The following GTSE1 variants were observed in gnomAD, a reference collection of about 807,000 sequenced individuals.
The protein encoded by GTSE1 is G2 and S-phase expressed 1, also known as G2 and S phase-expressed protein 1.
A neutral mutation model predicts 60.5 loss-of-function variants in GTSE1; 52 were observed. That is an observed-to-expected ratio of 0.86 (90% CI 0.69 to 1.08). The LOEUF is 1.08. GTSE1 is among the 50% of genes least tolerant of loss of function. The pLI, the probability that GTSE1 is intolerant of heterozygous loss-of-function variation, is 0.00. For synonymous variants in GTSE1, 368 were observed against 386.5 expected (o/e 0.95, Z 0.56); for missense variants, 937 against 961.8 (o/e 0.97, Z 0.34).
Position 46,316,233 on chromosome 22 carries a change from C to G in GTSE1, c.1253C>G (p.Pro418Arg). 1.2e-6 allele frequency: 2 copies of G among 1,613,780 alleles called. No individual in the cohort carries two copies. Among genetic ancestry groups the G allele is most frequent in the Non-Finnish European group, 1.7e-6 (2 of 1,179,986 alleles). The change falls in exon 7 of 12, where the codon CCC becomes CGC. Residue 418 changes from proline to arginine, a missense_variant. Coordinates refer to ENST00000454366, the MANE Select transcript of GTSE1 (RefSeq NM_016426.7). This position sits in a 1 kb window ranked among gnomAD's most constrained non-coding sequence, Gnocchi z 5.0. Reference sequence around the variant, plus strand: ...CTCACGGCACCCCCCTCAGCATCCCCCACCCAACCCCAGACTCCGGAAGGT... The same window carrying G: ...CTCACGGCACCCCCCTCAGCATCCCGCACCCAACCCCAGACTCCGGAAGGT... ...EQLTAPPSASPTQPQTPEGGG... is the reference protein window; with the variant it reads ...EQLTAPPSASRTQPQTPEGGG...
Position 46,297,051 on chromosome 22 carries a change from C to T in GTSE1, c.-22+120C>T, listed in dbSNP as rs2077660658. 2 of 250,152 alleles carry T rather than the reference C, an allele frequency of 8.0e-6. No homozygotes were observed. The highest frequency in any genetic ancestry group is 1.6e-5 in the Non-Finnish European group (2 of 126,564). 15.5% of individuals were successfully genotyped at this position (250,152 alleles called of 1,614,324 possible). On this transcript the variant is annotated intron_variant, in intron 1 of 11. Coordinates refer to ENST00000454366, the MANE Select transcript of GTSE1 (RefSeq NM_016426.7). This position sits in a 1 kb window ranked among gnomAD's most constrained non-coding sequence, Gnocchi z 4.9. ...GCCAGGAGCCGGGCCTGGGCTCGAG[C>T]AGGGGTCACTGAGGCCCCTCGCGCC...
rs968965510 is a variant in GTSE1, at chr22:46,313,654, G to T, written c.928-236G>T. On this transcript the variant is annotated intron_variant, in intron 5 of 11. Coordinates refer to ENST00000454366, the MANE Select transcript of GTSE1 (RefSeq NM_016426.7). The surrounding 1 kb of genome is among the most constrained non-coding windows in gnomAD (Gnocchi z 4.4). ...CTCCCGAGTAGCTGGGACTACAGGT[G>T]CCTGCCACCATGCCCAGCTAGTTTT... Among the ~76,000 whole-genome samples, 2 of 152,092 alleles carry T rather than the reference G, an allele frequency of 1.3e-5. No individual in the cohort carries two copies. The highest frequency in any genetic ancestry group is 1.3e-4 in the Admixed American group (2 of 15,256).
chr22:46,327,168 C>G (rs763113114), intron 9 of GTSE1: 3 of 152,166 alleles, frequency 2.0e-5, no homozygotes, highest in Non-Finnish European at 4.4e-5. Flanking sequence ...CCCCGTTGCA[C>G]TCCAGCCTGG....
At chr22:46,323,773 C>T (rs1014431864) in intron 8 of GTSE1, among the ~76,000 whole-genome samples, 6 of 152,142 alleles carry the variant, frequency 3.9e-5, no homozygotes, top group African/African-American at 1.4e-4. Flanking sequence ...CTGCAAACTC[C>T]ACCTCCCGGG....
rs6008671 is a variant in GTSE1 at position 46,319,525 on chromosome 22, G to A, written c.1432+3113G>A. 0.042 allele frequency among the ~76,000 whole-genome samples: 6,405 copies of A among 152,194 alleles called. 458 individuals are homozygous for A. Among genetic ancestry groups the A allele is most frequent in the African/African-American group, 0.15 (6,040 of 41,484 alleles). On this transcript the variant is annotated intron_variant, in intron 7 of 11. Transcript: ENST00000454366. This position sits in a 1 kb window ranked among gnomAD's most constrained non-coding sequence, Gnocchi z 5.0. ...GTGCTGCCACTCATGTGACAGGAGGGCTGGAAGAGGCAGCGGGCAGAGTCC... is the reference window on the plus strand; with the variant it reads ...GTGCTGCCACTCATGTGACAGGAGGACTGGAAGAGGCAGCGGGCAGAGTCC...
At chr22:46,311,978 A>C (rs1476887849) in intron 4 of GTSE1, among the ~76,000 whole-genome samples, 163 bp from the exon 5 acceptor site, 1 of 152,198 alleles carries the variant, frequency 6.6e-6, no homozygotes, top group African/African-American at 2.4e-5. Context: ...TTGGTGGAGG[A>C]TGCGAACTGC....
Position 46,329,917 on chromosome 22 carries a change from C to G in GTSE1, c.2137-130C>G. On this transcript the variant is annotated intron_variant, in intron 11 of 11. Coordinates refer to ENST00000454366, the MANE Select transcript of GTSE1 (RefSeq NM_016426.7). The surrounding 1 kb of genome is among the most constrained non-coding windows in gnomAD (Gnocchi z 6.4). ...TTCTTAGACGTGGTGGCCCAGAGTG[C>G]TTTTCAGTGCACCCGAGCCAGGATG... is the stretch of plus-strand genomic sequence containing the variant. 1 of 670,654 alleles carries G rather than the reference C, an allele frequency of 1.5e-6. No homozygotes were observed. The allele number at this position is 670,654 out of a possible 1,614,324, so 41.5% of individuals were successfully genotyped here.
rs991887294 is a variant in GTSE1, at chr22:46,309,776, G to A, written c.762+833G>A. Among the ~76,000 whole-genome samples the A allele has an allele frequency of 6.6e-6, 1 of 152,212 alleles. No homozygotes were observed. The highest frequency in any genetic ancestry group is 6.5e-5 in the Admixed American group (1 of 15,282). On this transcript the variant is annotated intron_variant, in intron 4 of 11. Transcript: ENST00000454366. This position sits in a 1 kb window ranked among gnomAD's most constrained non-coding sequence, Gnocchi z 6.2. Reference sequence around the variant, plus strand: ...TGCCCTTGACAAGGAGGTATGCCCGGCACTGCCACCCCCAACAGCTGGGGC... The same window carrying A: ...TGCCCTTGACAAGGAGGTATGCCCGACACTGCCACCCCCAACAGCTGGGGC...
At position 46,329,076 on chromosome 22, in the gene GTSE1, C is replaced by G. The variant is rs568405583; in HGVS notation, c.1926+187C>G. The G allele has an allele frequency of 3.2e-6, 2 of 619,750 alleles. No individual in the cohort carries two copies. The highest frequency in any genetic ancestry group is 2.9e-5 in the Admixed American group (1 of 34,574). 38.4% of individuals were successfully genotyped at this position (619,750 alleles called of 1,614,324 possible). ...TTCCAGGCCTCCAGGGGAGAAAGCC[C>G]TGCATTTGACTAAGGCAAGGGTCAG... On this transcript the variant is annotated intron_variant, in intron 10 of 11. Transcript: ENST00000454366. This position sits in a 1 kb window ranked among gnomAD's most constrained non-coding sequence, Gnocchi z 6.4.
Position 46,321,073 on chromosome 22 carries a change from C to T in GTSE1, c.1433-2117C>T, listed in dbSNP as rs920381807. Among the ~76,000 whole-genome samples the T allele has an allele frequency of 2.6e-5, 4 of 151,958 alleles. No individual in the cohort carries two copies. Among genetic ancestry groups the T allele is most frequent in the East Asian group, 1.9e-4 (1 of 5,182 alleles). On this transcript the variant is annotated intron_variant, in intron 7 of 11. Coordinates refer to ENST00000454366, the MANE Select transcript of GTSE1 (RefSeq NM_016426.7). This position sits in a 1 kb window ranked among gnomAD's most constrained non-coding sequence, Gnocchi z 4.0. ...AGAGAGGTGGGCTTGCCTCCACACCCGCCAGGAGTGACCAACTTGGGTCTC... is the reference window on the plus strand; with the variant it reads ...AGAGAGGTGGGCTTGCCTCCACACCTGCCAGGAGTGACCAACTTGGGTCTC...
Position 46,316,493 on chromosome 22 carries a change from C to T in GTSE1, c.1432+81C>T. The T allele has an allele frequency of 1.0e-6, 1 of 972,934 alleles. No individual in the cohort carries two copies. The allele number at this position is 972,934 out of a possible 1,614,324, so 60.3% of individuals were successfully genotyped here. A position where few individuals can be genotyped will look rare whatever the true frequency, so the allele number is the denominator to read the frequency against. ...TAAAGTTTTAAACAATTATTGATGG[C>T]ATTGATGGTGTTTTTAGTTCTTTCC... On this transcript the variant is annotated intron_variant, in intron 7 of 11. Transcript: ENST00000454366. The surrounding 1 kb of genome is among the most constrained non-coding windows in gnomAD (Gnocchi z 5.0).
At position 46,316,882 on chromosome 22, in the gene GTSE1, A is replaced by G. The variant is rs1007688116; in HGVS notation, c.1432+470A>G. On this transcript the variant is annotated intron_variant, in intron 7 of 11. Coordinates refer to ENST00000454366, the MANE Select transcript of GTSE1 (RefSeq NM_016426.7). The surrounding 1 kb of genome is among the most constrained non-coding windows in gnomAD (Gnocchi z 5.0). ...TTCAGGCCTCTTGACGTTGTCTCAC[A>G]GGACACCGAAGCTCTGTTCTTTTTT... 2.0e-5 allele frequency among the ~76,000 whole-genome samples: 3 copies of G among 152,076 alleles called. No individual in the cohort carries two copies. Among genetic ancestry groups the G allele is most frequent in the Non-Finnish European group, 4.4e-5 (3 of 68,012 alleles).
chr22:46,325,227 C>T (rs1284435443), intron 8 of GTSE1, among the ~76,000 whole-genome samples: 2 of 152,124 alleles, frequency 1.3e-5, no homozygotes, highest in Non-Finnish European at 2.9e-5. Context: ...GATGGAGACT[C>T]GCTCTGTCAC....
chr22:46,300,641 C>G (rs545423436), intron 2 of GTSE1, among the ~76,000 whole-genome samples: 4 of 152,154 alleles, frequency 2.6e-5, no homozygotes, highest in Non-Finnish European at 4.4e-5. Flanking sequence ...TGCATGTACC[C>G]CAAGCCTGCC....
intron 8 of GTSE1, among the ~76,000 whole-genome samples, chr22:46,325,299 C>T (rs2077837276): frequency 6.6e-6 from 1 of 151,932 alleles, no homozygotes; most frequent in South Asian, 2.1e-4. Flanking sequence ...TACGTTCAAG[C>T]AATTCTCCTG....
At position 46,321,929 on chromosome 22, in the gene GTSE1, C is replaced by T. The variant is rs563849214; in HGVS notation, c.1433-1261C>T. ...TCTCTACTAACAATACAAAAATTAT[C>T]CGGGCGTGGTGGCGGGCACCTATAA... On this transcript the variant is annotated intron_variant, in intron 7 of 11. Transcript: ENST00000454366. The surrounding 1 kb of genome is among the most constrained non-coding windows in gnomAD (Gnocchi z 4.0). Among the ~76,000 whole-genome samples, 28 of 152,088 alleles carry T rather than the reference C, an allele frequency of 1.8e-4. No individual in the cohort carries two copies. The highest frequency in any genetic ancestry group is 6.7e-4 in the African/African-American group (28 of 41,500).
chr22:46,314,653 A>T lies in GTSE1; in HGVS notation c.1051+640A>T, dbSNP rs370511234. ...CACTTTGGCAGGCCAAGATGGGTGG[A>T]TCGCTTGACCCCTGGAGTTTGAGAC... On this transcript the variant is annotated intron_variant, in intron 6 of 11. Coordinates refer to ENST00000454366, the MANE Select transcript of GTSE1 (RefSeq NM_016426.7). This position sits in a 1 kb window ranked among gnomAD's most constrained non-coding sequence, Gnocchi z 7.1. Among the ~76,000 whole-genome samples the T allele has an allele frequency of 6.6e-6, 1 of 152,112 alleles. No homozygotes were observed. Among genetic ancestry groups the T allele is most frequent in the African/African-American group, 2.4e-5 (1 of 41,540 alleles).
intron 2 of GTSE1, among the ~76,000 whole-genome samples, chr22:46,305,480 G>C (rs917651887): frequency 1.3e-5 from 2 of 152,124 alleles, no homozygotes; most frequent in African/African-American, 4.8e-5. Context: ...GTGGTAGCAC[G>C]TGCCTGTAAT....
rs1311299173 is a variant in GTSE1 at position 46,313,187 on chromosome 22, G to T, written c.928-703G>T. 6.7e-6 allele frequency among the ~76,000 whole-genome samples: 1 copy of T among 148,178 alleles called. No homozygotes were observed. The highest frequency in any genetic ancestry group is 1.5e-5 in the Non-Finnish European group (1 of 66,742). ...TGTCTAAAAAAAAAAAAAAAAAAAA[G>T]GAAAAGAAAGAAAATTGCGGTTCCT... On this transcript the variant is annotated intron_variant, in intron 5 of 11. Coordinates refer to ENST00000454366, the MANE Select transcript of GTSE1 (RefSeq NM_016426.7). This position sits in a 1 kb window ranked among gnomAD's most constrained non-coding sequence, Gnocchi z 4.4.
Sources: allele counts gnomAD v4.1 joint callset (sites outside exome capture counted in the v4.1 genomes callset), GRCh38; gene constraint gnomAD v4.1.1; non-coding constraint Gnocchi (gnomAD v3.1); transcripts MANE v1.5; gene names NCBI Gene and HGNC (gene_info 2026-07-23, HGNC 2026-07-21).